MIDEAS: variants seen among roughly 807,000 people sequenced by gnomAD.
MIDEAS encodes mitotic deacetylase associated SANT domain protein, also known as mitotic deacetylase-associated SANT domain protein.
MIDEAS carries 26 observed loss-of-function variants against 102.7 expected under a neutral mutation model. The observed-to-expected ratio is 0.25, with a 90% CI of 0.19 to 0.35. MIDEAS has a LOEUF of 0.35. MIDEAS is among the 10% of genes least tolerant of loss of function. MIDEAS has a pLI of 1.00. For synonymous variants in MIDEAS, 585 were observed against 591.0 expected, an observed-to-expected ratio of 0.99 and a Z score of 0.15; for missense variants, 1,231 against 1,435.6, an observed-to-expected ratio of 0.86 and a Z score of 2.30.
intron 1 of MIDEAS, among the ~76,000 whole-genome samples, chr14:73,746,504 T>C (rs1419554136): frequency 6.6e-6 from 1 of 152,198 alleles, no homozygotes; most frequent in Non-Finnish European, 1.5e-5. Context: ...CAGATGTTCC[T>C]GAGGCCCTCT....
chr14:73,755,073 T>G (rs2053463396), intron 1 of MIDEAS: 1 of 152,260 alleles, frequency 6.6e-6, no homozygotes, highest in African/African-American at 2.4e-5. Context: ...CCAGGACTCC[T>G]GAAGGAAGAA....
In MIDEAS at chr14:73,756,295, T is replaced by TGTGTGTGTGTGTGTGCGC. The variant is rs55692592; in HGVS notation, c.-248+3467_-248+3468insGCGCACACACACACACAC. ...GTGTGTGTGTGTGTGTGTGTGTGTG[T>TGTGTGTGTGTGTGTGCGC]GCGCGCGCGCGTGCGCGCTGAGGTG... is the stretch of plus-strand genomic sequence containing the variant. On this transcript the variant is annotated intron_variant, in intron 1 of 12. Transcript: ENST00000423556. Among the ~76,000 whole-genome samples, 1,071 of 127,674 alleles carry TGTGTGTGTGTGTGTGCGC rather than the reference T, an allele frequency of 8.4e-3. 9 individuals are homozygous for TGTGTGTGTGTGTGTGCGC. Among genetic ancestry groups the TGTGTGTGTGTGTGTGCGC allele is most frequent in the African/African-American group, 0.027 (1,026 of 37,402 alleles). 83.8% of individuals were successfully genotyped at this position (127,674 alleles called of 152,430 possible).
chr14:73,738,256 C>T (rs183811971), intron 2 of MIDEAS, among the ~76,000 whole-genome samples: 20 of 152,162 alleles, frequency 1.3e-4, no homozygotes, highest in Non-Finnish European at 2.2e-4. Context: ...ATTAGCCAGG[C>T]ATGGTGGCAG....
chr14:73,746,970 C>T (rs2053360766), intron 1 of MIDEAS, among the ~76,000 whole-genome samples: 1 of 152,174 alleles, frequency 6.6e-6, no homozygotes, highest in Non-Finnish European at 1.5e-5. Context: ...CGTGCAGGGA[C>T]TAGGGGTAAG....
chr14:73,777,911 C>G lies in MIDEAS; in HGVS notation c.-248+9191G>C, dbSNP rs145380421. 4.7e-4 allele frequency among the ~76,000 whole-genome samples: 72 copies of G among 152,106 alleles called. 2 individuals are homozygous for G. The highest frequency in any genetic ancestry group is 4.5e-3 in the Admixed American group (68 of 15,266). On this transcript the variant is annotated intron_variant, in intron 1 of 11. Transcript: ENST00000394071. The stretch of plus-strand genomic sequence containing the variant: ...TTGACTTTTGTAGATGTTTGTCTCC[C>G]TCACAGACCATGAGCACCTTAAAGT...
At position 73,759,735 on chromosome 14, in the gene MIDEAS, C is replaced by G. The variant is rs983224680; in HGVS notation, c.-248+28G>C. ...CGCCGGCCCCGCCGCGTGCAGGCCT[C>G]GGCCGCCGGCCAGGCAGCCCCACTT... On this transcript the variant is annotated intron_variant, in intron 1 of 12. Transcript: ENST00000423556. This position sits in a 1 kb window ranked among gnomAD's most constrained non-coding sequence, Gnocchi z 6.7. The G allele has an allele frequency of 6.6e-6, 1 of 151,684 alleles. No homozygotes were observed. The highest frequency in any genetic ancestry group is 2.4e-5 in the African/African-American group (1 of 41,330). The allele number at this position is 151,684 out of a possible 1,614,324, so 9.4% of individuals were successfully genotyped here. A position where few individuals can be genotyped will look rare whatever the true frequency, so the allele number is the denominator to read the frequency against.
chr14:73,734,149 T>C (rs896958096), intron 3 of MIDEAS, among the ~76,000 whole-genome samples: 4 of 151,970 alleles, frequency 2.6e-5, no homozygotes, highest in Non-Finnish European at 5.9e-5. Flanking sequence ...CACGCCCAGC[T>C]AATTTTTATA....
chr14:73,769,185 C>G (rs2140166060), intron 1 of MIDEAS, among the ~76,000 whole-genome samples: 1 of 152,352 alleles, frequency 6.6e-6, no homozygotes, highest in East Asian at 1.9e-4. Context: ...CACTCCCTCC[C>G]CAGAGTCACT....
chr14:73,760,420 G>C (rs2053544311), upstream of MIDEAS: 1 of 152,282 alleles, frequency 6.6e-6, no homozygotes, highest in African/African-American at 2.4e-5. This position sits in a 1 kb window ranked among gnomAD's most constrained non-coding sequence, Gnocchi z 4.8. Flanking sequence ...GGGATTTCCA[G>C]CAGACCTCAC....
chr14:73,721,719 A>C, intron 10 of MIDEAS: 1 of 554,206 alleles, frequency 1.8e-6, no homozygotes, highest in South Asian at 2.2e-5. Context: ...GGAGCACCTG[A>C]GAGAGAACGA....
At chr14:73,785,855 AGGGAG>A (rs1313536958) in intron 1 of MIDEAS, among the ~76,000 whole-genome samples, 3 of 152,298 alleles carry the variant, frequency 2.0e-5, no homozygotes, top group African/African-American at 7.2e-5. Flanking sequence ...CAAAAGTGAG[AGGGAG>A]GTAATGAAAT....
intron 1 of MIDEAS, among the ~76,000 whole-genome samples, chr14:73,743,440 C>A (rs1435537271): frequency 2.0e-5 from 3 of 152,122 alleles, no homozygotes; most frequent in Non-Finnish European, 4.4e-5. Flanking sequence ...CCACTCTAGC[C>A]CCCGATCTAG....
intron 1 of MIDEAS, among the ~76,000 whole-genome samples, chr14:73,770,007 G>A (rs1291140808): frequency 6.6e-6 from 1 of 151,334 alleles, no homozygotes; most frequent in African/African-American, 2.4e-5. Context: ...ACGGTTGGTG[G>A]ACTATATCCC....
At position 73,779,549 on chromosome 14, in the gene MIDEAS, A is replaced by T. The variant is rs1259489287; in HGVS notation, c.-248+7553T>A. Among the ~76,000 whole-genome samples the T allele has an allele frequency of 1.4e-5, 2 of 146,666 alleles. 1 individual carries two copies. The highest frequency in any genetic ancestry group is 3.0e-5 in the Non-Finnish European group (2 of 66,936). On this transcript the variant is annotated intron_variant, in intron 1 of 11. Transcript: ENST00000394071. The stretch of plus-strand genomic sequence containing the variant: ...TGATTACATTCTTTTATTTTTTTTT[A>T]ATTTGTTTATTATTATTATTATTAT...
upstream of MIDEAS, among the ~76,000 whole-genome samples, chr14:73,788,045 G>A (rs537515175): frequency 1.3e-5 from 2 of 151,908 alleles, no homozygotes; most frequent in Admixed American, 6.6e-5. Context: ...AAAGTACAAC[G>A]GAAAGCCACC....
At chr14:73,740,343 G>A in intron 1 of MIDEAS, 88 bp from the exon 2 acceptor site, 1 of 399,278 alleles carries the variant, frequency 2.5e-6, no homozygotes, top group Admixed American at 4.4e-5. Flanking sequence ...GGGGCTCCAA[G>A]GGCCTTCGGT....
intron 1 of MIDEAS, among the ~76,000 whole-genome samples, chr14:73,757,253 CAGAG>C (rs1461020478): frequency 8.2e-6 from 1 of 121,426 alleles, no homozygotes; most frequent in Non-Finnish European, 1.6e-5. Context: ...GCCTGGGCGA[CAGAG>C]AAAGACCCTA....
At chr14:73,754,331 T>C (rs1008715391) in intron 1 of MIDEAS, among the ~76,000 whole-genome samples, 3 of 152,194 alleles carry the variant, frequency 2.0e-5, no homozygotes, top group African/African-American at 7.2e-5. Context: ...GTACTTCTGC[T>C]TTCACTCAGA....
At chr14:73,770,362 CGAT>C (rs10536715) in intron 1 of MIDEAS, among the ~76,000 whole-genome samples, 50,583 of 151,338 alleles carry the variant, frequency 0.33, 9,990 homozygotes, top group East Asian at 0.67. Context: ...ATGATGATGA[CGAT>C]GATGATGATG....
Sources: gnomAD v4.1 joint callset for allele counts (sites outside exome capture counted in the v4.1 genomes callset) on GRCh38, gnomAD v4.1.1 for gene constraint, Gnocchi (gnomAD v3.1) non-coding constraint, MANE v1.5 for transcripts, NCBI Gene and HGNC (gene_info 2026-07-23, HGNC 2026-07-21) for gene names.